The following OXSR1 variants were observed in gnomAD, a reference collection of about 807,000 sequenced individuals.
OXSR1 encodes the protein serine/threonine-protein kinase OSR1.
A neutral mutation model predicts 79.8 loss-of-function variants in OXSR1; 24 were observed. That is an observed-to-expected ratio of 0.30 (90% confidence interval 0.22 to 0.42). The LOEUF (loss-of-function observed/expected upper bound fraction) is 0.42. Ranked by LOEUF, OXSR1 falls within the 10% of genes least tolerant of loss-of-function variation. The pLI, the probability that OXSR1 is intolerant of heterozygous loss-of-function variation, is 1.00. For synonymous variants in OXSR1, 226 were observed against 209.2 expected (o/e 1.08, Z -0.69); for missense variants, 430 against 618.4 (o/e 0.70, Z 3.23).
At position 38,198,709 on chromosome 3, in the gene OXSR1, C is replaced by G; in HGVS notation, c.293-13C>G. 6.3e-7 allele frequency: 1 copy of G among 1,597,594 alleles called. No homozygotes were observed. The highest frequency in any genetic ancestry group is 8.5e-7 in the Non-Finnish European group (1 of 1,169,908). On this transcript the variant is annotated splice_polypyrimidine_tract_variant and intron_variant, in intron 3 of 17. Coordinates refer to ENST00000311806, the MANE Select transcript of OXSR1 (RefSeq NM_005109.3). The stretch of plus-strand genomic sequence containing the variant: ...TTTAGAGATTTTTAGAAAATTATGT[C>G]TTCTGTTTTCAGGTTCTGTTCTGGA...
At chr3:38,196,666 A>G (rs1416685761) in intron 3 of OXSR1, among the ~76,000 whole-genome samples, 1 of 152,224 alleles carries the variant, frequency 6.6e-6, no homozygotes, top group African/African-American at 2.4e-5. Flanking sequence ...AAAAGTTTGA[A>G]AAGGAGTTCC....
At chr3:38,239,306 T>C in intron 11 of OXSR1, among the ~76,000 whole-genome samples, 1 of 152,204 alleles carries the variant, frequency 6.6e-6, no homozygotes, top group Non-Finnish European at 1.5e-5. Context: ...GTAATCTGAT[T>C]AGATGCCAAA....
intron 3 of OXSR1, 126 bp from the exon 4 acceptor site, chr3:38,198,596 G>T: frequency 1.7e-6 from 1 of 587,888 alleles, no homozygotes; most frequent in East Asian, 2.9e-5. Context: ...CCTCATATTT[G>T]CTGTTTTTTT....
chr3:38,210,850 G>A (rs35461762), intron 4 of OXSR1, among the ~76,000 whole-genome samples: 1 of 152,088 alleles, frequency 6.6e-6, no homozygotes, highest in South Asian at 2.1e-4. Context: ...ATTACATATT[G>A]AACTGGATAA....
chr3:38,215,168 C>T (rs1356129049), intron 4 of OXSR1, among the ~76,000 whole-genome samples: 3 of 152,086 alleles, frequency 2.0e-5, no homozygotes, highest in African/African-American at 4.8e-5. Flanking sequence ...ATGCACTGGT[C>T]TCTTATTTGA....
chr3:38,227,341 C>T (rs934107666), intron 8 of OXSR1, among the ~76,000 whole-genome samples: 5 of 152,124 alleles, frequency 3.3e-5, no homozygotes, highest in Non-Finnish European at 7.4e-5. Flanking sequence ...GTAACCTTCT[C>T]CAAAGTCACA....
intron 4 of OXSR1, among the ~76,000 whole-genome samples, chr3:38,202,246 C>G (rs1367959551): frequency 1.3e-5 from 2 of 152,146 alleles, no homozygotes; most frequent in African/African-American, 4.8e-5. Flanking sequence ...TCAGTGAACT[C>G]AGGCAGGGAT....
At position 38,229,780 on chromosome 3, in the gene OXSR1, C is replaced by T. The variant is rs758120572; in HGVS notation, c.885+45C>T. 4 of 1,372,650 alleles carry T rather than the reference C, an allele frequency of 2.9e-6. 1 individual carries two copies. The highest frequency in any genetic ancestry group is 2.4e-5 in the South Asian group (2 of 84,640). The allele number at this position is 1,372,650 out of a possible 1,614,324, so 85.0% of individuals were successfully genotyped here. On this transcript the variant is annotated intron_variant, in intron 9 of 17. Transcript: ENST00000311806. Reference sequence around the variant, plus strand: ...GATTATGTGTGTTCATAGGATGCTCCTCAATTACTCAGATTATGTTCAGTG... The same window carrying T: ...GATTATGTGTGTTCATAGGATGCTCTTCAATTACTCAGATTATGTTCAGTG...
chr3:38,187,032 A>G (rs1238771478), intron 2 of OXSR1, among the ~76,000 whole-genome samples: 4 of 152,202 alleles, frequency 2.6e-5, no homozygotes, highest in Non-Finnish European at 5.9e-5. Context: ...AATATTTGGC[A>G]AAGTGAATTG....
At chr3:38,214,470 A>G (rs1702446237) in intron 4 of OXSR1, among the ~76,000 whole-genome samples, 1 of 152,192 alleles carries the variant, frequency 6.6e-6, no homozygotes, top group Admixed American at 6.5e-5. Context: ...GCAAAAACAC[A>G]GAGAAGGGAG....
chr3:38,214,306 T>A (rs532617870), intron 4 of OXSR1, among the ~76,000 whole-genome samples: 1 of 152,140 alleles, frequency 6.6e-6, no homozygotes, highest in African/African-American at 2.4e-5. Context: ...GAATGCTTCC[T>A]GTATACTAAT....
rs931807456 is a variant in OXSR1, at chr3:38,254,564, C to T, written c.*1673C>T. ...CCAGGAGGGAGAAAAGAAGATTGAC[C>T]AGCTTGCTAGAAAAATACTTAGCTT... On this transcript the variant is annotated 3_prime_UTR_variant, in exon 18 of 18. Transcript: ENST00000311806. 9 of 300,882 alleles carry T rather than the reference C, an allele frequency of 3.0e-5. No individual in the cohort carries two copies. Among genetic ancestry groups the T allele is most frequent in the Non-Finnish European group, 4.9e-5 (8 of 164,538 alleles). The allele number at this position is 300,882 out of a possible 1,614,324, so 18.6% of individuals were successfully genotyped here. A position where few individuals can be genotyped will look rare whatever the true frequency, so the allele number is the denominator to read the frequency against.
intron 4 of OXSR1, among the ~76,000 whole-genome samples, chr3:38,203,091 G>A (rs1418440837): frequency 6.6e-6 from 1 of 152,194 alleles, no homozygotes. Flanking sequence ...CGTACCCCTG[G>A]TTCCTCTTTG....
rs1702926071 is a variant in OXSR1 at position 38,236,741 on chromosome 3, T to C, written c.952-98T>C. The C allele has an allele frequency of 1.8e-5, 20 of 1,094,694 alleles. No individual in the cohort carries two copies. In the South Asian group the frequency reaches 3.4e-4, roughly 19 times the overall value. The allele number at this position is 1,094,694 out of a possible 1,614,324, so 67.8% of individuals were successfully genotyped here. A position where few individuals can be genotyped will look rare whatever the true frequency, so the allele number is the denominator to read the frequency against. On this transcript the variant is annotated intron_variant, in intron 10 of 17. Coordinates refer to ENST00000311806, the MANE Select transcript of OXSR1 (RefSeq NM_005109.3). ...ATTTATGGGGAAAATGATTATCTACTTAATGGATTGAAGTGATAGAAGAAG... is the reference window on the plus strand; with the variant it reads ...ATTTATGGGGAAAATGATTATCTACCTAATGGATTGAAGTGATAGAAGAAG...
intron 5 of OXSR1, among the ~76,000 whole-genome samples, chr3:38,220,986 A>AT (rs1244663005): frequency 6.6e-6 from 1 of 152,196 alleles, no homozygotes; most frequent in Non-Finnish European, 1.5e-5. Flanking sequence ...AAGTTTACCA[A>AT]TGTCATACAT....
At chr3:38,227,545 C>CCACACGCA (rs1702714362) in intron 8 of OXSR1, among the ~76,000 whole-genome samples, 1 of 138,310 alleles carries the variant, frequency 7.2e-6, no homozygotes, top group African/African-American at 2.6e-5. Context: ...GTATGCACAT[C>CCACACGCA]CACACACACA....
chr3:38,172,661 C>T (rs1426352956), intron 1 of OXSR1, among the ~76,000 whole-genome samples: 3 of 152,118 alleles, frequency 2.0e-5, no homozygotes, highest in Non-Finnish European at 2.9e-5. Context: ...ATGTGAAGGA[C>T]TTCGTGCTTT....
At chr3:38,218,985 A>T (rs1470701045) in intron 5 of OXSR1, among the ~76,000 whole-genome samples, 2 of 152,226 alleles carry the variant, frequency 1.3e-5, no homozygotes, top group Non-Finnish European at 2.9e-5. Context: ...TTGTTAATGA[A>T]GGAACTAAAT....
intron 4 of OXSR1, among the ~76,000 whole-genome samples, chr3:38,204,177 G>A (rs1702224220): frequency 6.6e-6 from 1 of 152,272 alleles, no homozygotes; most frequent in South Asian, 2.1e-4. Flanking sequence ...GGGCCCAAGG[G>A]CTCTTCAGTC....
Sources: gnomAD v4.1 joint callset for allele counts (sites outside exome capture counted in the v4.1 genomes callset) on GRCh38, gnomAD v4.1.1 for gene constraint, MANE v1.5 for transcripts, NCBI Gene and HGNC (gene_info 2026-07-23, HGNC 2026-07-21) for gene names.